Variants in DPYD observed in about 807,000 individuals in gnomAD.
DPYD encodes dihydropyrimidine dehydrogenase [NADP(+)].
DPYD carries 109 observed loss-of-function variants against 116.2 expected under a neutral mutation model. That is an observed-to-expected ratio of 0.94 (90% CI 0.80 to 1.10). DPYD has a LOEUF of 1.10. Among genes scored for constraint, DPYD ranks in the 50% least tolerant of loss-of-function variants. The pLI, the probability that DPYD is intolerant of heterozygous loss-of-function variation, is 0.00. For synonymous variants in DPYD, 440 were observed against 432.0 expected (o/e 1.02, Z -0.23); for missense variants, 1,302 against 1,254.5 (o/e 1.04, Z -0.57).
intron 12 of DPYD, among the ~76,000 whole-genome samples, chr1:97,527,582 A>G (rs1649242469): frequency 6.6e-6 from 1 of 152,162 alleles, no homozygotes; most frequent in South Asian, 2.1e-4. Flanking sequence ...AATAGAAATA[A>G]AAATACAGTC....
intron 3 of DPYD, among the ~76,000 whole-genome samples, chr1:97,765,598 A>C (rs1441447565): frequency 1.3e-5 from 2 of 152,216 alleles, no homozygotes; most frequent in Admixed American, 1.3e-4. Context: ...GGCACTGGCA[A>C]GTCATCAGAA....
chr1:97,233,336 C>G (rs1047904755), intron 19 of DPYD, among the ~76,000 whole-genome samples: 1 of 152,128 alleles, frequency 6.6e-6, no homozygotes, highest in Admixed American at 6.5e-5. Context: ...TGACTCTGCA[C>G]TAGACCTCCT....
chr1:97,419,334 A>G (rs1393748635), intron 14 of DPYD, among the ~76,000 whole-genome samples: 5 of 151,908 alleles, frequency 3.3e-5, no homozygotes, highest in Non-Finnish European at 7.4e-5. Flanking sequence ...CTCCTATACC[A>G]CTCAAAAACT....
intron 14 of DPYD, among the ~76,000 whole-genome samples, chr1:97,417,321 C>T (rs999376785): frequency 2.0e-5 from 3 of 152,146 alleles, no homozygotes; most frequent in Admixed American, 1.3e-4. Flanking sequence ...GTCTCTATTG[C>T]TATCTCTATC....
intron 2 of DPYD, among the ~76,000 whole-genome samples, chr1:97,864,132 G>A (rs866669579): frequency 6.6e-6 from 1 of 152,110 alleles, no homozygotes; most frequent in East Asian, 1.9e-4. Flanking sequence ...CTGTCTTTCC[G>A]TGACTAGAAT....
rs997812710 is a variant in DPYD at position 97,855,231 on chromosome 1, C to T, written c.151-27035G>A. The stretch of plus-strand genomic sequence containing the variant: ...ACCTGAGATAGCTCAGCAGTGGCCT[C>T]GGGAGTCACAGAGAACGTGTTGTTG... On this transcript the variant is annotated intron_variant, in intron 2 of 22. Coordinates refer to ENST00000370192, the MANE Select transcript of DPYD (RefSeq NM_000110.4). 3 of 152,188 alleles carry T rather than the reference C, an allele frequency of 2.0e-5. No individual in the cohort carries two copies. The East Asian group carries it at 5.8e-4, about 29-fold the overall frequency. The allele number at this position is 152,188 out of a possible 1,614,324, so 9.4% of individuals were successfully genotyped here. A position where few individuals can be genotyped will look rare whatever the true frequency, so the allele number is the denominator to read the frequency against.
chr1:97,080,504 A>C (rs1004762988), intron 22 of DPYD, among the ~76,000 whole-genome samples: 23 of 152,266 alleles, frequency 1.5e-4, no homozygotes, highest in Admixed American at 1.4e-3. Flanking sequence ...ATTTTTAAAA[A>C]GTCTGATCTG....
intron 13 of DPYD, among the ~76,000 whole-genome samples, chr1:97,486,542 T>G (rs1019427506): frequency 6.6e-6 from 1 of 152,162 alleles, no homozygotes. Flanking sequence ...GTTGGTGTTT[T>G]AAGAGACTGT....
At chr1:97,158,043 C>A (rs1053070119) in intron 20 of DPYD, among the ~76,000 whole-genome samples, 1 of 152,096 alleles carries the variant, frequency 6.6e-6, no homozygotes, top group Non-Finnish European at 1.5e-5. Flanking sequence ...TGTTTTACTT[C>A]ATTCCTCAGT....
chr1:97,149,609 C>T (rs144696232), intron 20 of DPYD, among the ~76,000 whole-genome samples: 1 of 152,250 alleles, frequency 6.6e-6, no homozygotes, highest in Non-Finnish European at 1.5e-5. Flanking sequence ...CATCTTGCAA[C>T]TCGATTTCTA....
chr1:97,745,589 T>C (rs966232218), intron 3 of DPYD, among the ~76,000 whole-genome samples: 12 of 152,262 alleles, frequency 7.9e-5, no homozygotes, highest in Admixed American at 2.6e-4. Flanking sequence ...ATAATAGCTT[T>C]AAAATGTATA....
chr1:97,878,238 G>C (rs1249763472), intron 2 of DPYD, among the ~76,000 whole-genome samples: 2 of 151,910 alleles, frequency 1.3e-5, no homozygotes, highest in South Asian at 4.2e-4. Context: ...TGTTTTTCTA[G>C]ATTACTGAGT....
At chr1:97,611,687 T>C (rs149830600) in intron 8 of DPYD, among the ~76,000 whole-genome samples, 110 of 152,158 alleles carry the variant, frequency 7.2e-4, no homozygotes, top group African/African-American at 2.5e-3. Context: ...GAACCTAAGT[T>C]TGAGTCCTGA....
rs72732377 is a variant in DPYD at position 97,612,489 on chromosome 1, C to T, written c.851-17323G>A. ...CAAGCCTTTAAAGATGTAAATGATTCCTCCCATGTGGCTGCAAAATAGCTT... is the reference window on the plus strand; with the variant it reads ...CAAGCCTTTAAAGATGTAAATGATTTCTCCCATGTGGCTGCAAAATAGCTT... On this transcript the variant is annotated intron_variant, in intron 8 of 22. Transcript: ENST00000370192. 4.6e-3 allele frequency among the ~76,000 whole-genome samples: 698 copies of T among 152,018 alleles called. 10 individuals are homozygous for T. The highest frequency in any genetic ancestry group is 0.016 in the African/African-American group (653 of 41,496).
chr1:97,084,323 A>T (rs1649356982), intron 21 of DPYD, among the ~76,000 whole-genome samples: 1 of 151,662 alleles, frequency 6.6e-6, no homozygotes, highest in African/African-American at 2.4e-5. Context: ...TCCACTTTGC[A>T]AAATCCCAAG....
intron 20 of DPYD, among the ~76,000 whole-genome samples, chr1:97,156,000 CT>C (rs1655418310): frequency 1.4e-5 from 1 of 73,812 alleles, no homozygotes; most frequent in Non-Finnish European, 2.3e-5. Flanking sequence ...TCAACAACCT[CT>C]GGTGATGATG....
intron 20 of DPYD, among the ~76,000 whole-genome samples, chr1:97,162,818 A>G (rs562219549): frequency 2.0e-5 from 3 of 152,144 alleles, no homozygotes; most frequent in Non-Finnish European, 2.9e-5. Context: ...ACCCTCAGAA[A>G]TAACGCCACA....
intron 16 of DPYD, among the ~76,000 whole-genome samples, chr1:97,333,365 A>G (rs1669119077): frequency 6.6e-6 from 1 of 152,016 alleles, no homozygotes; most frequent in Admixed American, 6.6e-5. Context: ...CTATTCCTGT[A>G]GTCTCTGAGC....
intron 20 of DPYD, among the ~76,000 whole-genome samples, chr1:97,168,883 G>T (rs1656513825): frequency 1.4e-5 from 2 of 144,868 alleles, no homozygotes; most frequent in Admixed American, 7.0e-5. Flanking sequence ...GTCTCACTCT[G>T]TCACCCAGGC....
Sources: gnomAD v4.1 joint callset for allele counts (sites outside exome capture counted in the v4.1 genomes callset) on GRCh38, gnomAD v4.1.1 for gene constraint, MANE v1.5 for transcripts, NCBI Gene and HGNC (gene_info 2026-07-23, HGNC 2026-07-21) for gene names.